Variants in IGF2BP1 observed in about 807,000 individuals in gnomAD.
IGF2BP1 encodes the protein insulin-like growth factor 2 mRNA-binding protein 1.
A neutral mutation model predicts 74.9 loss-of-function variants in IGF2BP1; 11 were observed. The observed-to-expected ratio is 0.15, with a 90% CI of 0.09 to 0.24. The LOEUF is 0.24. IGF2BP1 is among the 10% of genes least tolerant of loss of function. The pLI, the probability that IGF2BP1 is intolerant of heterozygous loss-of-function variation, is 1.00. For missense variants in IGF2BP1, 440 were observed against 757.4 expected (o/e 0.58, Z 4.92); for synonymous variants, 287 against 281.8 (o/e 1.02, Z -0.18).
intron 8 of IGF2BP1, among the ~76,000 whole-genome samples, chr17:49,041,886 G>A (rs1307622721): frequency 6.6e-6 from 1 of 152,212 alleles, no homozygotes; most frequent in African/African-American, 2.4e-5. Flanking sequence ...CAAGCAGTGT[G>A]CTTCGTTTCA....
intron 5 of IGF2BP1, among the ~76,000 whole-genome samples, chr17:49,033,475 G>A (rs1330804438): frequency 2.0e-5 from 3 of 151,988 alleles, no homozygotes; most frequent in Non-Finnish European, 4.4e-5. Context: ...CTGAGTAGCT[G>A]GGATTAACAG....
At chr17:49,043,767 C>A (rs547556690) in intron 10 of IGF2BP1, among the ~76,000 whole-genome samples, 200 bp from the exon 11 acceptor site, 1 of 152,158 alleles carries the variant, frequency 6.6e-6, no homozygotes, top group African/African-American at 2.4e-5. Flanking sequence ...CAGCACTGTT[C>A]CCTTACTCTC....
Position 49,043,438 on chromosome 17 carries a change from A to T in IGF2BP1, c.1088A>T (p.His363Leu). ...ATCTTTCTTCCCCAGCTGCAGTCTC[A>T]CCTGATCCCTGGCCTGAACCTGGCT... ...NDVAAMSLQS[H>L]LIPGLNLAAV... The change falls in exon 10 of 15, where the codon CAC becomes CTC. Residue 363 changes from histidine (H) to leucine (L), a missense_variant. This residue lies in a region of IGF2BP1 where 184 missense variants were observed against 273.4 expected (regional missense o/e 0.67). Coordinates refer to ENST00000290341, the MANE Select transcript of IGF2BP1 (RefSeq NM_006546.4). 2 of 1,613,906 alleles carry T rather than the reference A, an allele frequency of 1.2e-6. No homozygotes were observed. The highest frequency in any genetic ancestry group is 1.7e-6 in the Non-Finnish European group (2 of 1,179,942).
intron 2 of IGF2BP1, among the ~76,000 whole-genome samples, chr17:49,021,837 A>T (rs2041796604): frequency 1.3e-5 from 2 of 152,186 alleles, no homozygotes; most frequent in South Asian, 4.1e-4. Flanking sequence ...GCTCTGGTAG[A>T]AGCTGGTCTA....
At chr17:49,038,641 G>A (rs1244987183) in intron 6 of IGF2BP1, among the ~76,000 whole-genome samples, 192 bp downstream of exon 6, 2 of 152,096 alleles carry the variant, frequency 1.3e-5, no homozygotes, top group African/African-American at 4.8e-5. Context: ...GGGAGAATGG[G>A]TCTGGGGTGC....
At chr17:49,022,114 A>G (rs2041800236) in intron 2 of IGF2BP1, among the ~76,000 whole-genome samples, 1 of 152,156 alleles carries the variant, frequency 6.6e-6, no homozygotes, top group Non-Finnish European at 1.5e-5. Context: ...TTCAAGTTTC[A>G]TAGGAGGTAA....
At chr17:49,014,280 GC>G (rs1261798067) in intron 2 of IGF2BP1, among the ~76,000 whole-genome samples, 1 of 77,632 alleles carries the variant, frequency 1.3e-5, no homozygotes, top group Non-Finnish European at 2.5e-5. Context: ...CTCAGTCTCA[GC>G]CCCCCAGTCG....
intron 2 of IGF2BP1, among the ~76,000 whole-genome samples, chr17:49,016,903 C>G (rs1028597373): frequency 6.6e-6 from 1 of 150,832 alleles, no homozygotes; most frequent in African/African-American, 2.4e-5. Flanking sequence ...CCAGCTCCTC[C>G]TCCCCTCCCC....
rs755871368 is a variant in IGF2BP1 at position 49,045,912 on chromosome 17, A to C, written c.1418A>C (p.Lys473Thr). The C allele has an allele frequency of 2.5e-6, 4 of 1,613,980 alleles. No individual in the cohort carries two copies. The Admixed American group carries it at 6.7e-5, about 27-fold the overall frequency. The part of the protein sequence containing the change: ...QFKAQGRIYG[K>T]LKEENFFGPK... ...CAGGCTCAGGGAAGAATCTATGGCA[A>C]ACTCAAGGAGGAGAACTTCTTTGGT... is the stretch of plus-strand genomic sequence containing the variant. The change falls in exon 13 of 15, where the codon AAA becomes ACA. Residue 473 changes from lysine to threonine, a missense_variant. By Grantham distance (78) the Lys-to-Thr change is moderately conservative (BLOSUM62 -1). Transcript: ENST00000290341.
Position 49,049,335 on chromosome 17 carries a change from G to T in IGF2BP1, c.1642-17G>T, listed in dbSNP as rs761329102. 3 of 1,613,132 alleles carry T rather than the reference G, an allele frequency of 1.9e-6. No individual in the cohort carries two copies. The South Asian group carries it at 3.3e-5, about 18-fold the overall frequency. ...TTGGAGGTCTCACACCCACTCTCTTGCCTGTTCTTGCTGCAGATGGCTCAA... is the reference window on the plus strand; with the variant it reads ...TTGGAGGTCTCACACCCACTCTCTTTCCTGTTCTTGCTGCAGATGGCTCAA... On this transcript the variant is annotated splice_polypyrimidine_tract_variant and intron_variant, in intron 14 of 14. Transcript: ENST00000290341.
chr17:49,034,773 A>G (rs571885389), intron 5 of IGF2BP1, among the ~76,000 whole-genome samples: 2 of 151,686 alleles, frequency 1.3e-5, no homozygotes, highest in East Asian at 3.9e-4. Flanking sequence ...AACAAAAAAA[A>G]CGAAAAACCA....
intron 4 of IGF2BP1, among the ~76,000 whole-genome samples, chr17:49,030,218 T>A (rs1186985919): frequency 6.6e-6 from 1 of 150,714 alleles, no homozygotes; most frequent in African/African-American, 2.4e-5. Context: ...CTCTGCTCAC[T>A]GCAACCTCCA....
At chr17:49,025,931 C>T (rs1003269663) in intron 3 of IGF2BP1, among the ~76,000 whole-genome samples, 1 of 149,724 alleles carries the variant, frequency 6.7e-6, no homozygotes, top group Non-Finnish European at 1.5e-5. Context: ...TCTCGACTCA[C>T]TGCATCCTCT....
intron 3 of IGF2BP1, among the ~76,000 whole-genome samples, chr17:49,025,975 C>T (rs2041849181): frequency 6.6e-6 from 1 of 151,652 alleles, no homozygotes; most frequent in Admixed American, 6.6e-5. Flanking sequence ...TCTGCCTCAG[C>T]CTCCCAAGTA....
chr17:49,032,627 T>G (rs775531949), intron 5 of IGF2BP1, among the ~76,000 whole-genome samples: 2 of 152,206 alleles, frequency 1.3e-5, no homozygotes, highest in Non-Finnish European at 2.9e-5. Context: ...TTCTTGCTTC[T>G]TAACATGCCG....
At position 49,038,363 on chromosome 17, in the gene IGF2BP1, G is replaced by A. The variant is rs1301516828; in HGVS notation, c.597G>A (p.Arg199=). Residue 199 remains arginine (R), a synonymous_variant, in exon 6 of 15, where the codon CGG becomes CGA. Coordinates refer to ENST00000290341, the MANE Select transcript of IGF2BP1 (RefSeq NM_006546.4). The stretch of plus-strand genomic sequence containing the variant: ...AGCAGCAAGTGGACATCCCCCTTCG[G>A]CTCCTGGTGCCCACCCAGTATGTGG... ...AKQQQVDIPL[R]LLVPTQYVGA... 40 of 1,604,392 alleles carry A rather than the reference G, an allele frequency of 2.5e-5. No homozygotes were observed. The highest frequency in any genetic ancestry group is 3.2e-5 in the Non-Finnish European group (38 of 1,175,708).
intron 4 of IGF2BP1, among the ~76,000 whole-genome samples, chr17:49,029,625 T>C (rs754010394): frequency 9.2e-5 from 14 of 152,006 alleles, no homozygotes; most frequent in Non-Finnish European, 1.9e-4. Context: ...GTTAACTTTA[T>C]GTATTTATTT....
intron 14 of IGF2BP1, among the ~76,000 whole-genome samples, chr17:49,047,730 T>TG (rs1354902314): frequency 2.4e-4 from 36 of 151,552 alleles, no homozygotes; most frequent in African/African-American, 6.3e-4. Flanking sequence ...TTTTTTTTTT[T>TG]TGTGACAGGG....
At chr17:49,032,138 TC>T in intron 5 of IGF2BP1, among the ~76,000 whole-genome samples, 165 bp downstream of exon 5, 1 of 152,272 alleles carries the variant, frequency 6.6e-6, no homozygotes, top group Non-Finnish European at 1.5e-5. Flanking sequence ...ATAAAAGGTT[TC>T]TTCAGGGGGT....
Sources: gnomAD v4.1 joint callset for allele counts (sites outside exome capture counted in the v4.1 genomes callset) on GRCh38, gnomAD v4.1.1 for gene constraint, gnomAD v4.1.1 regional missense constraint, MANE v1.5 for transcripts, NCBI Gene and HGNC (gene_info 2026-07-23, HGNC 2026-07-21) for gene names.